Variants in TNFSF11 observed in about 807,000 individuals in gnomAD.
The protein encoded by TNFSF11 is TNF superfamily member 11, also known as tumor necrosis factor ligand superfamily member 11.
TNFSF11 carries 12 observed loss-of-function variants against 32.2 expected under a neutral mutation model. The observed-to-expected ratio is 0.37, with a 90% CI of 0.24 to 0.60. The LOEUF (loss-of-function observed/expected upper bound fraction) is 0.60, where lower values mean the gene tolerates loss of function less well. TNFSF11 is among the 20% of genes least tolerant of loss of function. The pLI, the probability that TNFSF11 is intolerant of heterozygous loss-of-function variation, is 0.66. For missense variants in TNFSF11, 345 were observed against 398.0 expected, an observed-to-expected ratio of 0.87 and a Z score of 1.13; for synonymous variants, 172 against 152.1, an observed-to-expected ratio of 1.13 and a Z score of -0.96.
At chr13:42,584,600 AT>A (rs1216693632) in intron 2 of TNFSF11, among the ~76,000 whole-genome samples, 1 of 152,242 alleles carries the variant, frequency 6.6e-6, no homozygotes, top group Non-Finnish European at 1.5e-5. Flanking sequence ...AATTTTCACT[AT>A]TTTAGGATCC....
Position 42,563,160 on chromosome 13 carries a change from C to T in TNFSF11, c.-302+197C>T, listed in dbSNP as rs539525974. 3.3e-5 allele frequency among the ~76,000 whole-genome samples: 5 copies of T among 152,248 alleles called. No individual in the cohort carries two copies. In the East Asian group the frequency reaches 9.7e-4, roughly 29 times the overall value. On this transcript the variant is annotated intron_variant, in intron 1 of 6. Transcript: ENST00000358545. Reference sequence around the variant, plus strand: ...TATAACTTTACTAGTCAAATAAGTCCCCTCCAGTTCCATCCCACCCACAGC... The same window carrying T: ...TATAACTTTACTAGTCAAATAAGTCTCCTCCAGTTCCATCCCACCCACAGC...
chr13:42,572,543 A>G (rs1873107506), upstream of TNFSF11, among the ~76,000 whole-genome samples: 1 of 152,236 alleles, frequency 6.6e-6, no homozygotes, highest in African/African-American at 2.4e-5. Context: ...CCCAAAGTTA[A>G]CAAACAAAAA....
chr13:42,580,798 T>G (rs1873564331), intron 1 of TNFSF11, among the ~76,000 whole-genome samples: 1 of 152,188 alleles, frequency 6.6e-6, no homozygotes, highest in Non-Finnish European at 1.5e-5. Context: ...GTGATTTCCT[T>G]GGTGCCCCTC....
chr13:42,605,250 A>G (rs238223), intron 4 of TNFSF11, among the ~76,000 whole-genome samples: 147,967 of 152,306 alleles, frequency 0.97, 72,003 homozygotes, highest in East Asian at 1. Context: ...ACAGGCAGCA[A>G]TGAACTTCTT....
chr13:42,575,901 A>C (rs1873288946), intron 1 of TNFSF11, among the ~76,000 whole-genome samples: 1 of 152,172 alleles, frequency 6.6e-6, no homozygotes, highest in Non-Finnish European at 1.5e-5. Context: ...CCATTTTCTC[A>C]TCCAGCATTT....
intron 2 of TNFSF11, among the ~76,000 whole-genome samples, chr13:42,589,036 C>T (rs568248958): frequency 2.6e-5 from 4 of 152,236 alleles, no homozygotes; most frequent in South Asian, 4.1e-4. Flanking sequence ...CACTAGGTAG[C>T]GGCGGCGGTG....
intron 2 of TNFSF11, among the ~76,000 whole-genome samples, chr13:42,596,168 G>A (rs1236656172): frequency 6.6e-6 from 1 of 152,152 alleles, no homozygotes. Context: ...CAGCTTTGTG[G>A]AGTGGACTCG....
At chr13:42,586,127 A>T (rs578155617) in intron 2 of TNFSF11, among the ~76,000 whole-genome samples, 1 of 152,372 alleles carries the variant, frequency 6.6e-6, no homozygotes, top group South Asian at 2.1e-4. Flanking sequence ...AAATAAATAC[A>T]TATGTACATT....
intron 1 of TNFSF11, among the ~76,000 whole-genome samples, chr13:42,578,944 C>A (rs1873453104): frequency 6.6e-6 from 1 of 152,202 alleles, no homozygotes; most frequent in Admixed American, 6.5e-5. Flanking sequence ...TATTTTAAAG[C>A]ATGACTTCTC....
intron 1 of TNFSF11, among the ~76,000 whole-genome samples, chr13:42,563,686 A>C (rs1872766760): frequency 6.6e-6 from 1 of 151,910 alleles, no homozygotes; most frequent in Admixed American, 6.6e-5. Context: ...AAAAGGAAGA[A>C]AGAAATTTTG....
At chr13:42,574,056 G>A, upstream of TNFSF11, 3 of 558,454 alleles carry the variant, frequency 5.4e-6, no homozygotes, top group Non-Finnish European at 6.3e-6. Context: ...GGAGCCAGAG[G>A]TGGGAGTGGA....
chr13:42,584,606 G>A (rs565788453), intron 2 of TNFSF11, among the ~76,000 whole-genome samples: 1 of 152,296 alleles, frequency 6.6e-6, no homozygotes, highest in South Asian at 2.1e-4. Flanking sequence ...CACTATTTTA[G>A]GATCCTTTTG....
intron 1 of TNFSF11, among the ~76,000 whole-genome samples, chr13:42,574,955 C>G (rs547030609): frequency 1.3e-5 from 2 of 152,376 alleles, no homozygotes; most frequent in East Asian, 3.9e-4. Flanking sequence ...CCTTTCCCTT[C>G]CCGCCCACCA....
chr13:42,584,180 T>G (rs1179551590), intron 2 of TNFSF11, among the ~76,000 whole-genome samples: 2 of 152,166 alleles, frequency 1.3e-5, no homozygotes, highest in African/African-American at 4.8e-5. Context: ...GAGGTATAAC[T>G]TGGGCCAAGG....
chr13:42,573,026 C>G (rs1873125849), upstream of TNFSF11, among the ~76,000 whole-genome samples: 2 of 152,136 alleles, frequency 1.3e-5, no homozygotes, highest in African/African-American at 2.4e-5. Flanking sequence ...CACACATCCT[C>G]TTGTACACTT....
intron 2 of TNFSF11, among the ~76,000 whole-genome samples, chr13:42,592,389 A>C (rs928741818): frequency 2.6e-5 from 4 of 152,200 alleles, no homozygotes. Context: ...TTGACTTACT[A>C]TGACCAGCTT....
At chr13:42,594,970 T>G (rs896729609) in intron 2 of TNFSF11, among the ~76,000 whole-genome samples, 5 of 152,202 alleles carry the variant, frequency 3.3e-5, no homozygotes, top group African/African-American at 9.6e-5. Context: ...TCACATTGGT[T>G]GTTTTCCTGT....
At chr13:42,600,618 C>A in intron 2 of TNFSF11, 134 bp from the exon 3 acceptor site, 1 of 952,680 alleles carries the variant, frequency 1.0e-6, no homozygotes, top group Non-Finnish European at 1.6e-6. Flanking sequence ...ATAGGAATTT[C>A]ACTGCCAATG....
At chr13:42,568,581 T>C (rs1872949193) in intron 2 of TNFSF11, among the ~76,000 whole-genome samples, 1 of 152,204 alleles carries the variant, frequency 6.6e-6, no homozygotes, top group Non-Finnish European at 1.5e-5. Flanking sequence ...ATGGGTAAGC[T>C]GGATTAGATT....
Sources: gnomAD v4.1 joint callset for allele counts (sites outside exome capture counted in the v4.1 genomes callset) on GRCh38, gnomAD v4.1.1 for gene constraint, MANE v1.5 for transcripts, NCBI Gene and HGNC (gene_info 2026-07-23, HGNC 2026-07-21) for gene names.